The following KALRN variants were observed in gnomAD, a reference collection of about 807,000 sequenced individuals.
The protein encoded by KALRN is kalirin.
In KALRN, 70 loss-of-function variants were observed where a neutral mutation model predicts 353.7. The observed-to-expected ratio is 0.20, with a 90% CI of 0.16 to 0.24. The LOEUF is 0.24. Among genes scored for constraint, KALRN ranks in the 10% least tolerant of loss-of-function variants. The probability of loss-of-function intolerance (pLI) is 1.00; values close to 1 mark genes in which losing one functional copy is unlikely to be tolerated. For synonymous variants in KALRN, 1,391 were observed against 1,434.8 expected (o/e 0.97, Z 0.69); for missense variants, 2,791 against 3,756.7 (o/e 0.74, Z 6.72).
chr3:124,623,428 A>ACACACACACACACACACACACACACAC (rs1554055226), intron 34 of KALRN, among the ~76,000 whole-genome samples: 8 of 122,844 alleles, frequency 6.5e-5, no homozygotes, highest in Non-Finnish European at 9.3e-5. Flanking sequence ...ACACACACAC[A>ACACACACACACACACACACACACACAC]AAAGGGAGTT....
intron 1 of KALRN, among the ~76,000 whole-genome samples, chr3:124,040,158 G>A (rs2039827006): frequency 6.6e-6 from 1 of 152,132 alleles, no homozygotes; most frequent in Non-Finnish European, 1.5e-5. Flanking sequence ...GATGAAAGGA[G>A]GTTTTAGAAT....
In KALRN at chr3:124,674,377, G is replaced by A. The variant is rs1358371082; in HGVS notation, c.6956G>A (p.Gly2319Asp). The part of the protein sequence containing the change: ...KFEASKNDLG[G>D]CNGTSSMAVI... ...ATCTCCCAGCAGAACGACCTGGGAG[G>A]CTGCAATGGGACCTCGTCCATGGCC... is the stretch of plus-strand genomic sequence containing the variant. The change falls in exon 49 of 60, where the codon GGC becomes GAC. Residue 2319 changes from glycine to aspartate, a missense_variant. This residue lies in a region of KALRN where 1,065 missense variants were observed against 1,156.4 expected (regional missense o/e 0.92). Coordinates refer to ENST00000682506, the MANE Select transcript of KALRN (RefSeq NM_001388419.1). The A allele has an allele frequency of 1.2e-6, 2 of 1,613,174 alleles. No individual in the cohort carries two copies. The highest frequency in any genetic ancestry group is 1.7e-6 in the Non-Finnish European group (2 of 1,179,614).
intron 5 of KALRN, among the ~76,000 whole-genome samples, chr3:124,298,496 G>A (rs2077017443): frequency 6.6e-6 from 1 of 152,148 alleles, no homozygotes; most frequent in African/African-American, 2.4e-5. Flanking sequence ...AAGCATGCTG[G>A]TAATGGTAAA....
rs552221128 is a variant in KALRN, at chr3:124,146,798, G to A, written c.74-81192G>A. 3.3e-5 allele frequency among the ~76,000 whole-genome samples: 5 copies of A among 150,014 alleles called. No individual in the cohort carries two copies. In the East Asian group the frequency reaches 5.9e-4, roughly 18 times the overall value. On this transcript the variant is annotated intron_variant, in intron 1 of 59. Coordinates refer to ENST00000682506, the MANE Select transcript of KALRN (RefSeq NM_001388419.1). ...AGGCTGAGGCAGGAGAATCGCTTGC[G>A]CCTGGGAGGCAGAGGTTGCAGTGAG...
chr3:124,359,646 A>G (rs1186996064), intron 10 of KALRN, among the ~76,000 whole-genome samples: 1 of 152,182 alleles, frequency 6.6e-6, no homozygotes, highest in Non-Finnish European at 1.5e-5. Flanking sequence ...CTAAAATGAG[A>G]GTGACACCTA....
chr3:124,459,042 A>T (rs2059603264), intron 23 of KALRN, among the ~76,000 whole-genome samples: 1 of 152,238 alleles, frequency 6.6e-6, no homozygotes, highest in Non-Finnish European at 1.5e-5. Context: ...ACAAATAAGG[A>T]CTGTAACATC....
chr3:124,431,798 A>G (rs1462232855), intron 16 of KALRN, among the ~76,000 whole-genome samples: 1 of 152,222 alleles, frequency 6.6e-6, no homozygotes, highest in Non-Finnish European at 1.5e-5. Flanking sequence ...TGATTGCTAG[A>G]CATTTTTAAG....
At chr3:124,596,312 C>T (rs1178197652) in intron 34 of KALRN, among the ~76,000 whole-genome samples, 8 of 151,990 alleles carry the variant, frequency 5.3e-5, no homozygotes, top group African/African-American at 1.4e-4. Context: ...GGTGAAAATA[C>T]AAAATTTAAC....
intron 3 of KALRN, among the ~76,000 whole-genome samples, chr3:124,256,296 G>A (rs1162844199): frequency 6.6e-6 from 1 of 152,196 alleles, no homozygotes; most frequent in Non-Finnish European, 1.5e-5. Flanking sequence ...AGAGACCTGT[G>A]GCTTGAGGCA....
chr3:124,203,553 C>G (rs1340107551), intron 1 of KALRN, among the ~76,000 whole-genome samples: 1 of 152,164 alleles, frequency 6.6e-6, no homozygotes, highest in African/African-American at 2.4e-5. Context: ...GTTGGAGGGA[C>G]CCAGGCAGCA....
At chr3:124,332,511 C>T (rs978883347) in intron 8 of KALRN, among the ~76,000 whole-genome samples, 1 of 152,132 alleles carries the variant, frequency 6.6e-6, no homozygotes, top group African/African-American at 2.4e-5. Flanking sequence ...TATCAATTCC[C>T]AGTCATCCCT....
intron 33 of KALRN, among the ~76,000 whole-genome samples, chr3:124,506,601 C>A (rs375853183): frequency 6.6e-6 from 1 of 152,100 alleles, no homozygotes; most frequent in African/African-American, 2.4e-5. Context: ...TTTGTGAATG[C>A]TCCTATATAC....
At chr3:124,458,028 C>A (rs2059494410) in intron 23 of KALRN, among the ~76,000 whole-genome samples, 2 of 152,150 alleles carry the variant, frequency 1.3e-5, no homozygotes, top group Non-Finnish European at 2.9e-5. Context: ...GTAATCCCAG[C>A]ACTTTGGGAG....
At position 124,719,687 on chromosome 3, in the gene KALRN, T is replaced by TA. The variant is rs1240792067; in HGVS notation, c.*220dup. ...TTTTCAGAAGGTCATTCTGAAGAAATAAAGAGGCAAAGGGTCACAGAAGTG... is the reference window on the plus strand; with the variant it reads ...TTTTCAGAAGGTCATTCTGAAGAAATAAAAGAGGCAAAGGGTCACAGAAGTG... On this transcript the variant is annotated 3_prime_UTR_variant, in exon 60 of 60. Transcript: ENST00000682506. The surrounding 1 kb of genome is among the most constrained non-coding windows in gnomAD (Gnocchi z 5.3). 5.6e-6 allele frequency: 3 copies of TA among 536,194 alleles called. No homozygotes were observed. Among genetic ancestry groups the TA allele is most frequent in the Admixed American group, 6.4e-5 (2 of 31,140 alleles). The allele number at this position is 536,194 out of a possible 1,614,324, so 33.2% of individuals were successfully genotyped here. A position where few individuals can be genotyped will look rare whatever the true frequency, so the allele number is the denominator to read the frequency against.
At chr3:124,327,458 A>C (rs984560026) in intron 7 of KALRN, among the ~76,000 whole-genome samples, 7 of 152,302 alleles carry the variant, frequency 4.6e-5, no homozygotes, top group Admixed American at 3.9e-4. Context: ...TCCTGTGAGA[A>C]TCAACTGGCT....
intron 37 of KALRN, among the ~76,000 whole-genome samples, chr3:124,643,504 C>CA (rs1476350171): frequency 6.6e-6 from 1 of 152,116 alleles, no homozygotes; most frequent in African/African-American, 2.4e-5. Flanking sequence ...TTTTTTGACA[C>CA]AGGGTCTCAC....
In KALRN at chr3:124,189,553, A is replaced by C. The variant is rs566249549; in HGVS notation, c.74-38437A>C. On this transcript the variant is annotated intron_variant, in intron 1 of 59. Transcript: ENST00000682506. ...CAAGGTGGCTCATGCCTGTAATCCT[A>C]GCACTTTGGGAAGCCGAGGCGGGTG... is the stretch of plus-strand genomic sequence containing the variant. Among the ~76,000 whole-genome samples the C allele has an allele frequency of 2.6e-5, 4 of 152,334 alleles. No homozygotes were observed. In the South Asian group the frequency reaches 8.3e-4, roughly 32 times the overall value.
At chr3:124,396,807 A>G (rs972802365) in intron 12 of KALRN, among the ~76,000 whole-genome samples, 3 of 152,242 alleles carry the variant, frequency 2.0e-5, no homozygotes, top group Non-Finnish European at 2.9e-5. Context: ...ATTAAATTCC[A>G]TGGGTTTCAG....
chr3:124,584,898 C>G (rs566572559), intron 34 of KALRN: 10 of 1,597,978 alleles, frequency 6.3e-6, no homozygotes, highest in South Asian at 3.4e-5. Flanking sequence ...TGTTGCTTCC[C>G]GTGTAGAGGT....
Sources: gnomAD v4.1 joint callset for allele counts (sites outside exome capture counted in the v4.1 genomes callset) on GRCh38, gnomAD v4.1.1 for gene constraint, gnomAD v4.1.1 regional missense constraint, Gnocchi (gnomAD v3.1) non-coding constraint, MANE v1.5 for transcripts, NCBI Gene and HGNC (gene_info 2026-07-23, HGNC 2026-07-21) for gene names.